PRICKLE1: variants seen among roughly 807,000 people sequenced by gnomAD.
PRICKLE1 encodes prickle planar cell polarity protein 1.
A neutral mutation model predicts 70.2 loss-of-function variants in PRICKLE1; 14 were observed. That is an observed-to-expected ratio of 0.20 (90% CI 0.13 to 0.31). The LOEUF is 0.31. PRICKLE1 is among the 10% of genes least tolerant of loss of function. The pLI is 1.00. For synonymous variants in PRICKLE1, 357 were observed against 379.9 expected, an observed-to-expected ratio of 0.94 and a Z score of 0.70; for missense variants, 821 against 1,026.2, an observed-to-expected ratio of 0.80 and a Z score of 2.73.
intron 1 of PRICKLE1, among the ~76,000 whole-genome samples, chr12:42,565,506 A>G (rs1356143019): frequency 1.3e-5 from 2 of 152,200 alleles, no homozygotes; most frequent in African/African-American, 4.8e-5. Context: ...AGCACTAAAT[A>G]AAGCAGCATG....
At chr12:42,530,910 A>C (rs1185526574) in intron 1 of PRICKLE1, among the ~76,000 whole-genome samples, 3 of 151,176 alleles carry the variant, frequency 2.0e-5, no homozygotes, top group Non-Finnish European at 4.4e-5. Context: ...GCATCAGGTG[A>C]CCTACCTGCT....
At chr12:42,559,799 T>C (rs888671145) in intron 1 of PRICKLE1, among the ~76,000 whole-genome samples, 3 of 151,790 alleles carry the variant, frequency 2.0e-5, no homozygotes, top group African/African-American at 7.3e-5. Context: ...GACCTACCCC[T>C]TGGCTCTGGT....
At chr12:42,505,448 T>C (rs1022500525) in intron 1 of PRICKLE1, among the ~76,000 whole-genome samples, 8 of 152,214 alleles carry the variant, frequency 5.3e-5, no homozygotes, top group Admixed American at 2.6e-4. Flanking sequence ...TTTTTGTTTT[T>C]GTTTTGAGAC....
intron 1 of PRICKLE1, among the ~76,000 whole-genome samples, chr12:42,517,642 G>C (rs1190122572): frequency 6.6e-6 from 1 of 151,938 alleles, no homozygotes; most frequent in Non-Finnish European, 1.5e-5. Context: ...GGGGTTCCTA[G>C]ATCAGTTTTT....
At chr12:42,494,772 A>C (rs2140174270) in intron 1 of PRICKLE1, among the ~76,000 whole-genome samples, 1 of 146,326 alleles carries the variant, frequency 6.8e-6, no homozygotes, top group East Asian at 2.0e-4. Context: ...ATGCCACTGC[A>C]CTCCAGCCTG....
chr12:42,513,574 A>T (rs568714979), intron 1 of PRICKLE1, among the ~76,000 whole-genome samples: 25 of 151,658 alleles, frequency 1.6e-4, no homozygotes, highest in Non-Finnish European at 3.1e-4. Context: ...CTGGAAAAAA[A>T]AAAATGAATA....
chr12:42,552,980 T>C (rs775479379), intron 1 of PRICKLE1, among the ~76,000 whole-genome samples: 6 of 152,188 alleles, frequency 3.9e-5, no homozygotes, highest in Non-Finnish European at 8.8e-5. Context: ...GCAGCTGATC[T>C]GACAGGAGGT....
intron 1 of PRICKLE1, among the ~76,000 whole-genome samples, chr12:42,576,385 G>C (rs1270538047): frequency 6.6e-6 from 1 of 152,230 alleles, no homozygotes; most frequent in Non-Finnish European, 1.5e-5. Context: ...CTGCAAAAGT[G>C]TGTCAACCAT....
chr12:42,475,169 C>A (rs924697238), intron 1 of PRICKLE1, among the ~76,000 whole-genome samples: 3 of 152,212 alleles, frequency 2.0e-5, no homozygotes, highest in African/African-American at 7.2e-5. Context: ...TCATTCCAGC[C>A]TTTCAACAAA....
rs1213364743 is a variant in PRICKLE1, at chr12:42,458,340, T to C, written c.*1469A>G. ...ATCTGGATACATTTGCAAAGATTTA[T>C]ATTCAGAAAGGTAGTTTTGTTATTT... On this transcript the variant is annotated 3_prime_UTR_variant, in exon 8 of 8. Coordinates refer to ENST00000345127, the MANE Select transcript of PRICKLE1 (RefSeq NM_153026.3). 1.3e-5 allele frequency: 2 copies of C among 152,220 alleles called. No individual in the cohort carries two copies. The highest frequency in any genetic ancestry group is 2.9e-5 in the Non-Finnish European group (2 of 68,040). The allele number at this position is 152,220 out of a possible 1,614,324, so 9.4% of individuals were successfully genotyped here. A position where few individuals can be genotyped will look rare whatever the true frequency, so the allele number is the denominator to read the frequency against.
Position 42,498,726 on chromosome 12 carries a change from T to C in PRICKLE1, c.-48-26162A>G, listed in dbSNP as rs1457248800. 2.0e-5 allele frequency among the ~76,000 whole-genome samples: 3 copies of C among 152,238 alleles called. No homozygotes were observed. The East Asian group carries it at 5.8e-4, about 29-fold the overall frequency. ...GTCCATTTCCAGTCCCTACTGATCC[T>C]CTAGCTCTGTCTCCATCATTAGTCA... On this transcript the variant is annotated intron_variant, in intron 1 of 7. Coordinates refer to ENST00000345127, the MANE Select transcript of PRICKLE1 (RefSeq NM_153026.3).
intron 1 of PRICKLE1, among the ~76,000 whole-genome samples, chr12:42,567,791 C>T (rs1054572258): frequency 9.8e-6 from 1 of 101,676 alleles, no homozygotes; most frequent in Non-Finnish European, 1.9e-5. Flanking sequence ...CGTGCCACTT[C>T]ATCTCAAAAA....
intron 1 of PRICKLE1, among the ~76,000 whole-genome samples, chr12:42,478,726 C>T (rs77061240): frequency 1.5e-4 from 20 of 136,624 alleles, no homozygotes; most frequent in African/African-American, 3.3e-4. Context: ...CTGGGATACT[C>T]TTTTTTTTTT....
At position 42,466,267 on chromosome 12, in the gene PRICKLE1, G is replaced by A. The variant is rs1054457480; in HGVS notation, c.702C>T (p.Asp234=). ...VLGGQRYIMK[D]GRPFCCGCFE... is the part of the protein sequence containing the mutation. ...AACAGCCACAGCAGAAGGGGCGGCC[G>A]TCCTTCATGATATACCTCTGTCCTC... is the stretch of plus-strand genomic sequence containing the variant. Residue 234 remains aspartate, a synonymous_variant, in exon 6 of 8, where the codon GAC becomes GAT. Transcript: ENST00000345127. 9.9e-6 allele frequency: 16 copies of A among 1,614,058 alleles called. No individual in the cohort carries two copies. Among genetic ancestry groups the A allele is most frequent in the South Asian group, 5.5e-5 (5 of 91,086 alleles).
chr12:42,519,524 C>A (rs1190982327), intron 1 of PRICKLE1, among the ~76,000 whole-genome samples: 1 of 152,164 alleles, frequency 6.6e-6, no homozygotes, highest in African/African-American at 2.4e-5. Flanking sequence ...CAGCTTTAGA[C>A]TTTACCAGAT....
At chr12:42,552,979 C>G (rs1029915054) in intron 1 of PRICKLE1, among the ~76,000 whole-genome samples, 1 of 152,188 alleles carries the variant, frequency 6.6e-6, no homozygotes, top group Non-Finnish European at 1.5e-5. Flanking sequence ...TGCAGCTGAT[C>G]TGACAGGAGG....
intron 5 of PRICKLE1, 139 bp downstream of exon 5, chr12:42,468,487 G>T: frequency 1.2e-6 from 1 of 812,448 alleles, no homozygotes; most frequent in South Asian, 1.5e-5. Flanking sequence ...TTCATTGTAT[G>T]AATGTACAGG....
At chr12:42,565,924 C>G (rs1234089229) in intron 1 of PRICKLE1, among the ~76,000 whole-genome samples, 1 of 152,086 alleles carries the variant, frequency 6.6e-6, no homozygotes. Context: ...TAAAATGAGC[C>G]AGAACAAGGA....
In PRICKLE1 at chr12:42,464,415, A is replaced by G. The variant is rs1290563630; in HGVS notation, c.1619T>C (p.Leu540Ser). 1.2e-6 allele frequency: 2 copies of G among 1,614,028 alleles called. No individual in the cohort carries two copies. Among genetic ancestry groups the G allele is most frequent in the East Asian group, 2.2e-5 (1 of 44,882 alleles). The stretch of plus-strand genomic sequence containing the variant: ...CGTACCTGTGATATTGGACAATGCC[A>G]AAGAATCCATCGAATCCCGAACACT... ...EQSVRDSMDS[L>S]ALSNITGASV... Residue 540 changes from leucine (L) to serine (S), a missense_variant, in exon 7 of 8, where the codon TTG becomes TCG. Transcript: ENST00000345127. This position sits in a 1 kb window ranked among gnomAD's most constrained non-coding sequence, Gnocchi z 4.2.
Sources: allele counts gnomAD v4.1 joint callset (sites outside exome capture counted in the v4.1 genomes callset), GRCh38; gene constraint gnomAD v4.1.1; non-coding constraint Gnocchi (gnomAD v3.1); transcripts MANE v1.5; gene names NCBI Gene and HGNC (gene_info 2026-07-23, HGNC 2026-07-21).